Variants in KIAA1549 observed in about 807,000 individuals in gnomAD.
KIAA1549 encodes UPF0606 protein KIAA1549.
In KIAA1549, 70 loss-of-function variants were observed where a neutral mutation model predicts 156.4. That is an observed-to-expected ratio of 0.45 (90% CI 0.37 to 0.55). The LOEUF is 0.55. Ranked by LOEUF, KIAA1549 falls within the 20% of genes least tolerant of loss-of-function variation. The pLI, the probability that KIAA1549 is intolerant of heterozygous loss-of-function variation, is 0.00. For missense variants in KIAA1549, 2,428 were observed against 2,540.9 expected, an observed-to-expected ratio of 0.96 and a Z score of 0.96; for synonymous variants, 1,103 against 1,066.4, an observed-to-expected ratio of 1.03 and a Z score of -0.67.
chr7:138,845,010 C>T (rs1467025641), intron 17 of KIAA1549, among the ~76,000 whole-genome samples: 1 of 152,006 alleles, frequency 6.6e-6, no homozygotes, highest in African/African-American at 2.4e-5. Context: ...AGGCTGAAAA[C>T]CAGTGTTCTA....
At chr7:138,930,122 C>G (rs1189780167) in intron 1 of KIAA1549, among the ~76,000 whole-genome samples, 3 of 152,176 alleles carry the variant, frequency 2.0e-5, no homozygotes, top group Non-Finnish European at 4.4e-5. Flanking sequence ...TGACTAGGTC[C>G]ATTGTCAATG....
chr7:138,915,475 A>C (rs930066954), intron 2 of KIAA1549, among the ~76,000 whole-genome samples: 1 of 151,864 alleles, frequency 6.6e-6, no homozygotes, highest in Admixed American at 6.6e-5. Flanking sequence ...TCCTGGACTC[A>C]TTCTCCAAAG....
intron 17 of KIAA1549, among the ~76,000 whole-genome samples, chr7:138,851,772 C>A (rs1452186810): frequency 6.6e-6 from 1 of 152,192 alleles, no homozygotes; most frequent in East Asian, 1.9e-4. Context: ...CTCAAAACCT[C>A]TGGATGTTTA....
chr7:138,972,994 G>A (rs1429535902), intron 1 of KIAA1549, among the ~76,000 whole-genome samples: 2 of 152,044 alleles, frequency 1.3e-5, no homozygotes, highest in Admixed American at 6.5e-5. Context: ...GCTAATTTTT[G>A]TATTTTTAGT....
intron 7 of KIAA1549, among the ~76,000 whole-genome samples, chr7:138,904,513 T>C (rs1345265087): frequency 6.6e-6 from 1 of 151,598 alleles, no homozygotes. Flanking sequence ...GCATGCACAC[T>C]GGACAGCTGG....
chr7:138,895,153 G>A (rs559849699), intron 9 of KIAA1549, among the ~76,000 whole-genome samples: 2 of 152,320 alleles, frequency 1.3e-5, no homozygotes, highest in East Asian at 3.9e-4. Flanking sequence ...GAAATCCCTT[G>A]AGGTGCTTAA....
At chr7:138,926,354 T>C (rs1226020009) in intron 1 of KIAA1549, among the ~76,000 whole-genome samples, 2 of 152,112 alleles carry the variant, frequency 1.3e-5, no homozygotes, top group Non-Finnish European at 2.9e-5. Flanking sequence ...AGGTGCAATC[T>C]CGGCTCACTG....
intron 19 of KIAA1549, 146 bp from the exon 20 acceptor site, chr7:138,838,306 A>G: frequency 2.4e-6 from 2 of 825,636 alleles, no homozygotes; most frequent in Middle Eastern, 2.4e-4. Context: ...CCTATGCTGC[A>G]GGTGAGGCGT....
Position 138,918,921 on chromosome 7 carries a change from A to G in KIAA1549, c.705T>C (p.Ala235=). Residue 235 remains alanine, a synonymous_variant, in exon 2 of 20, where the codon GCT becomes GCC. Coordinates refer to ENST00000422774, the MANE Select transcript of KIAA1549 (RefSeq NM_001164665.2). This position sits in a 1 kb window ranked among gnomAD's most constrained non-coding sequence, Gnocchi z 4.2. The part of the protein sequence containing the change: ...SASHFHTFRS[A]FRTSEGIVPT... Reference sequence around the variant, plus strand: ...GAACGATGCCCTCAGAGGTGCGAAAAGCTGACCGAAAGGTGTGGAAATGAC... The same window carrying G: ...GAACGATGCCCTCAGAGGTGCGAAAGGCTGACCGAAAGGTGTGGAAATGAC... 1 of 1,614,036 alleles carries G rather than the reference A, an allele frequency of 6.2e-7. No individual in the cohort carries two copies. Among genetic ancestry groups the G allele is most frequent in the Non-Finnish European group, 8.5e-7 (1 of 1,179,904 alleles).
At chr7:138,844,775 G>A (rs560373208) in intron 17 of KIAA1549, among the ~76,000 whole-genome samples, 9 of 151,440 alleles carry the variant, frequency 5.9e-5, no homozygotes, top group East Asian at 3.9e-4. Context: ...CTGGCTACAC[G>A]TCTGCATCAC....
intron 1 of KIAA1549, among the ~76,000 whole-genome samples, chr7:138,925,745 G>A (rs1308972937): frequency 6.9e-6 from 1 of 144,512 alleles, no homozygotes; most frequent in Non-Finnish European, 1.5e-5. Context: ...TGGGAGGATC[G>A]CTTGAGCCCA....
intron 12 of KIAA1549, among the ~76,000 whole-genome samples, chr7:138,872,979 T>G: frequency 6.6e-6 from 1 of 152,162 alleles, no homozygotes; most frequent in Non-Finnish European, 1.5e-5. Context: ...TGCTTTCAAA[T>G]AAATGGCCAG....
intron 18 of KIAA1549, among the ~76,000 whole-genome samples, chr7:138,842,801 T>C (rs1021590570): frequency 6.6e-5 from 10 of 152,140 alleles, no homozygotes; most frequent in Non-Finnish European, 1.2e-4. Flanking sequence ...CAAATCCCCC[T>C]TTTCTGGCTT....
chr7:138,859,210 T>C (rs569216103), intron 16 of KIAA1549, among the ~76,000 whole-genome samples: 155 of 152,298 alleles, frequency 1.0e-3, no homozygotes, highest in African/African-American at 3.4e-3. Context: ...GAGAGATCTC[T>C]GGAGTCTCTT....
Position 138,918,876 on chromosome 7 carries a change from C to A in KIAA1549, c.750G>T (p.Leu250Phe). 4 of 1,613,994 alleles carry A rather than the reference C, an allele frequency of 2.5e-6. No individual in the cohort carries two copies. Among genetic ancestry groups the A allele is most frequent in the Non-Finnish European group, 3.4e-6 (4 of 1,179,890 alleles). ...TGTAAGCATCAGTAGGATAAAGCAC[C>A]AAATTCCTGCCAGGAGTTGGAACGA... ...EGIVPTPGRN[L>F]VLYPTDAYSH... Residue 250 changes from leucine (L) to phenylalanine (F), a missense_variant, in exon 2 of 20, where the codon TTG (leucine) becomes TTT (phenylalanine). Leu to Phe is a conservative substitution (Grantham distance 22, BLOSUM62 0). Around this residue, in one of 5 missense-constraint regions of KIAA1549, gnomAD observed 893 missense variants for 847.9 expected, o/e 1.05. Transcript: ENST00000422774. This position sits in a 1 kb window ranked among gnomAD's most constrained non-coding sequence, Gnocchi z 4.2.
At chr7:138,916,488 C>T (rs754798469) in intron 2 of KIAA1549, among the ~76,000 whole-genome samples, 2 of 152,218 alleles carry the variant, frequency 1.3e-5, no homozygotes, top group Non-Finnish European at 2.9e-5. Context: ...CAGGGACTAA[C>T]GCATTTACAT....
rs780539546 is a variant in KIAA1549 at position 138,894,322 on chromosome 7, G to C, written c.4032+20C>G. 7.4e-6 allele frequency: 12 copies of C among 1,612,856 alleles called. No homozygotes were observed. The highest frequency in any genetic ancestry group is 1.3e-5 in the African/African-American group (1 of 74,892). ...ACAAAACTGCTTATAGGAACACTGG[G>C]GGAAGAGGCTGCCCGTTACCTTCTG... On this transcript the variant is annotated intron_variant, in intron 10 of 19. Coordinates refer to ENST00000422774, the MANE Select transcript of KIAA1549 (RefSeq NM_001164665.2).
chr7:138,943,209 C>T lies in KIAA1549; in HGVS notation c.188-23771G>A, dbSNP rs562208432. 5.9e-5 allele frequency among the ~76,000 whole-genome samples: 9 copies of T among 152,282 alleles called. No homozygotes were observed. The South Asian group carries it at 6.2e-4, about 11-fold the overall frequency. ...GTTTGCTTTGTGCCCAGATGCGTCA[C>T]GAGTCCCCCTCGAGTCCCACAAAGG... On this transcript the variant is annotated intron_variant, in intron 1 of 19. Coordinates refer to ENST00000422774, the MANE Select transcript of KIAA1549 (RefSeq NM_001164665.2).
intron 12 of KIAA1549, 94 bp downstream of exon 12, chr7:138,879,444 T>G: frequency 1.4e-6 from 1 of 708,814 alleles, no homozygotes. Flanking sequence ...AGATTTCTTT[T>G]TTAAGGGTTT....
Sources: allele counts gnomAD v4.1 joint callset (sites outside exome capture counted in the v4.1 genomes callset), GRCh38; gene constraint gnomAD v4.1.1; regional missense constraint gnomAD v4.1.1; non-coding constraint Gnocchi (gnomAD v3.1); transcripts MANE v1.5; gene names NCBI Gene and HGNC (gene_info 2026-07-23, HGNC 2026-07-21).